The following PEX14 variants were observed in gnomAD, a reference collection of about 807,000 sequenced individuals.
The protein encoded by PEX14 is peroxisomal membrane protein PEX14.
A neutral mutation model predicts 49.5 loss-of-function variants in PEX14; 15 were observed. The ratio of observed to expected loss-of-function variants is 0.30; its 90% CI spans 0.20 to 0.47. The LOEUF (loss-of-function observed/expected upper bound fraction) is 0.47. Ranked by LOEUF, PEX14 falls within the 20% of genes least tolerant of loss-of-function variation. The pLI is 1.00. For synonymous variants in PEX14, 210 were observed against 212.7 expected (o/e 0.99, Z 0.11); for missense variants, 398 against 494.8 (o/e 0.80, Z 1.86).
chr1:10,597,483 CT>C lies in PEX14; in HGVS notation c.170-1754del, dbSNP rs1229209640. Among the ~76,000 whole-genome samples the C allele has an allele frequency of 2.6e-5, 4 of 152,210 alleles. No individual in the cohort carries two copies. The highest frequency in any genetic ancestry group is 9.6e-5 in the African/African-American group (4 of 41,454). On this transcript the variant is annotated intron_variant, in intron 3 of 8. Coordinates refer to ENST00000356607, the MANE Select transcript of PEX14 (RefSeq NM_004565.3). The surrounding 1 kb of genome is among the most constrained non-coding windows in gnomAD (Gnocchi z 5.7). Reference sequence around the variant, plus strand: ...TTGTTGCCTGGCTTGCCTGTTGGTCCTGTCCCTGTTCTTCTTGGAAGGTGAA... The same window carrying C: ...TTGTTGCCTGGCTTGCCTGTTGGTCCGTCCCTGTTCTTCTTGGAAGGTGAA...
Position 10,617,921 on chromosome 1 carries a change from G to A in PEX14, c.299-411G>A, listed in dbSNP as rs538791785. Among the ~76,000 whole-genome samples, 8 of 152,014 alleles carry A rather than the reference G, an allele frequency of 5.3e-5. No homozygotes were observed. The East Asian group carries it at 7.8e-4, about 15-fold the overall frequency. ...GTTCTGCTGTGGCCCCCAGCTTATC[G>A]CCAGCTATAGTAGGGCATATATGGG... is the stretch of plus-strand genomic sequence containing the variant. On this transcript the variant is annotated intron_variant, in intron 4 of 8. Coordinates refer to ENST00000356607, the MANE Select transcript of PEX14 (RefSeq NM_004565.3).
rs750781683 is a variant in PEX14, at chr1:10,500,373, C to CAAAAAAAAAAAA, written c.84+5070_84+5081dup. On this transcript the variant is annotated intron_variant, in intron 2 of 8. Coordinates refer to ENST00000356607, the MANE Select transcript of PEX14 (RefSeq NM_004565.3). ...TGGGCGACAGAGCCAGATTCTGTCT[C>CAAAAAAAAAAAA]AAAAAAAAAAAAAAAAAAAAAAAAA... is the stretch of plus-strand genomic sequence containing the variant. Among the ~76,000 whole-genome samples the CAAAAAAAAAAAA allele has an allele frequency of 1.2e-3, 53 of 43,678 alleles. 1 individual carries two copies. Among genetic ancestry groups the CAAAAAAAAAAAA allele is most frequent in the South Asian group, 3.0e-3 (2 of 676 alleles). The allele number at this position is 43,678 out of a possible 152,430, so 28.7% of individuals were successfully genotyped here.
Position 10,512,420 on chromosome 1 carries a change from C to T in PEX14, c.84+17099C>T, listed in dbSNP as rs1365081872. ...AGGGAAACAGAGACTTCTGTGGATT[C>T]ATCCAAAGGATGGCAGACAGATTGT... is the stretch of plus-strand genomic sequence containing the variant. On this transcript the variant is annotated intron_variant, in intron 2 of 8. Coordinates refer to ENST00000356607, the MANE Select transcript of PEX14 (RefSeq NM_004565.3). This position sits in a 1 kb window ranked among gnomAD's most constrained non-coding sequence, Gnocchi z 4.6. Among the ~76,000 whole-genome samples the T allele has an allele frequency of 6.6e-6, 1 of 152,194 alleles. No homozygotes were observed. Among genetic ancestry groups the T allele is most frequent in the East Asian group, 1.9e-4 (1 of 5,190 alleles).
chr1:10,615,413 C>G (rs764787813), intron 4 of PEX14, among the ~76,000 whole-genome samples: 1 of 152,212 alleles, frequency 6.6e-6, no homozygotes. Flanking sequence ...CATGCTCAAT[C>G]CTCACTCAAA....
intron 4 of PEX14, among the ~76,000 whole-genome samples, chr1:10,611,680 A>ATGTGTATGTAATGGAACC (rs1641282094): frequency 6.6e-6 from 1 of 152,188 alleles, no homozygotes; most frequent in Non-Finnish European, 1.5e-5. Flanking sequence ...AGCCATTCTA[A>ATGTGTATGTAATGGAACC]TGTGTATGTA....
At chr1:10,606,188 C>T (rs961934175) in intron 4 of PEX14, among the ~76,000 whole-genome samples, 6 of 152,190 alleles carry the variant, frequency 3.9e-5, no homozygotes, top group Non-Finnish European at 8.8e-5. Flanking sequence ...TGCCAGGAGG[C>T]TCTGTGGTCT....
intron 2 of PEX14, among the ~76,000 whole-genome samples, chr1:10,500,938 T>G (rs1371584535): frequency 1.3e-5 from 2 of 152,230 alleles, no homozygotes; most frequent in African/African-American, 4.8e-5. Context: ...TGTATGCATG[T>G]GTATGACAAT....
chr1:10,574,668 C>T (rs1030696719), intron 3 of PEX14, among the ~76,000 whole-genome samples: 1 of 151,916 alleles, frequency 6.6e-6, no homozygotes, highest in African/African-American at 2.4e-5. Flanking sequence ...TAGGAAATCC[C>T]CTATTAAAGA....
chr1:10,480,150 G>A lies in PEX14; in HGVS notation c.36+5148G>A, dbSNP rs140439394. Among the ~76,000 whole-genome samples, 504 of 151,998 alleles carry A rather than the reference G, an allele frequency of 3.3e-3. 4 individuals are homozygous for A. Among genetic ancestry groups the A allele is most frequent in the African/African-American group, 0.012 (483 of 41,468 alleles). ...TCTTTACATGTAGTTTTGAGAGTCTGTTGAACTCTTGAATAACAGCAGGTC... is the reference window on the plus strand; with the variant it reads ...TCTTTACATGTAGTTTTGAGAGTCTATTGAACTCTTGAATAACAGCAGGTC... On this transcript the variant is annotated intron_variant, in intron 1 of 8. Coordinates refer to ENST00000356607, the MANE Select transcript of PEX14 (RefSeq NM_004565.3).
chr1:10,529,784 T>C lies in PEX14; in HGVS notation c.85-6429T>C, dbSNP rs57269205. Among the ~76,000 whole-genome samples the C allele has an allele frequency of 9.4e-3, 1,427 of 152,372 alleles. 26 individuals are homozygous for C. The highest frequency in any genetic ancestry group is 0.033 in the African/African-American group (1,364 of 41,582). On this transcript the variant is annotated intron_variant, in intron 2 of 8. Transcript: ENST00000356607. This position sits in a 1 kb window ranked among gnomAD's most constrained non-coding sequence, Gnocchi z 4.2. ...TATCATGTCAACTCCTGTGCACTTCTACCAGCGGAATTTTATTTCTTTAAT... is the reference window on the plus strand; with the variant it reads ...TATCATGTCAACTCCTGTGCACTTCCACCAGCGGAATTTTATTTCTTTAAT...
chr1:10,530,486 G>A (rs1023616497), intron 2 of PEX14, among the ~76,000 whole-genome samples: 2 of 152,208 alleles, frequency 1.3e-5, no homozygotes, highest in African/African-American at 4.8e-5. Context: ...TGCCGCCTGC[G>A]GGCTCGTCCA....
At chr1:10,481,624 G>A (rs1288199990) in intron 1 of PEX14, among the ~76,000 whole-genome samples, 1 of 150,940 alleles carries the variant, frequency 6.6e-6, no homozygotes, top group Non-Finnish European at 1.5e-5. Context: ...TTTTGTAGAG[G>A]TCGGGTCTCG....
intron 3 of PEX14, among the ~76,000 whole-genome samples, chr1:10,565,194 G>A (rs139291395): frequency 7.9e-5 from 12 of 152,142 alleles, no homozygotes; most frequent in Non-Finnish European, 1.6e-4. Context: ...GAGCCACTGC[G>A]CCCAGCCTTT....
intron 3 of PEX14, among the ~76,000 whole-genome samples, chr1:10,541,703 C>T (rs772018875): frequency 6.6e-6 from 1 of 152,226 alleles, no homozygotes; most frequent in Non-Finnish European, 1.5e-5. Context: ...ACTGGTCCCC[C>T]GCATCAATTT....
In PEX14 at chr1:10,537,342, C is replaced by CCA. The variant is rs1553187427; in HGVS notation, c.169+1046_169+1047insAC. 1.1e-3 allele frequency among the ~76,000 whole-genome samples: 20 copies of CCA among 18,148 alleles called. 1 individual carries two copies. The East Asian group carries it at 0.016, about 14-fold the overall frequency. The allele number at this position is 18,148 out of a possible 152,430, so 11.9% of individuals were successfully genotyped here. On this transcript the variant is annotated intron_variant, in intron 3 of 8. Transcript: ENST00000356607. ...GCTCACTGGCTGCATTGTGCCAGCA[C>CCA]CCCCCCCCCCCGCCATCATTAGGAG...
At position 10,563,946 on chromosome 1, in the gene PEX14, T is replaced by C. The variant is rs559624382; in HGVS notation, c.169+27649T>C. Among the ~76,000 whole-genome samples, 130 of 152,230 alleles carry C rather than the reference T, an allele frequency of 8.5e-4. 1 individual carries two copies. Among genetic ancestry groups the C allele is most frequent in the African/African-American group, 3.0e-3 (124 of 41,564 alleles). On this transcript the variant is annotated intron_variant, in intron 3 of 8. Coordinates refer to ENST00000356607, the MANE Select transcript of PEX14 (RefSeq NM_004565.3). ...AAAAAAAAGTTATTTCATTATTTTC[T>C]GGCTTCTATTGTCATCTTTCAGTCT...
At chr1:10,478,749 A>ATT (rs773890718) in intron 1 of PEX14, among the ~76,000 whole-genome samples, 2 of 141,378 alleles carry the variant, frequency 1.4e-5, no homozygotes, top group South Asian at 2.2e-4. Flanking sequence ...TGGCTAATGT[A>ATT]TTTTTTTTTT....
chr1:10,495,382 GA>G lies in PEX14; in HGVS notation c.84+64del. ...AATTAAAATGCCACGCGAGTGAAAA[GA>G]AACCTTCTGTTCCTATGGTTCTGCG... On this transcript the variant is annotated intron_variant, in intron 2 of 8. Coordinates refer to ENST00000356607, the MANE Select transcript of PEX14 (RefSeq NM_004565.3). The surrounding 1 kb of genome is among the most constrained non-coding windows in gnomAD (Gnocchi z 4.2). 7.5e-7 allele frequency: 1 copy of G among 1,329,874 alleles called. No homozygotes were observed. Among genetic ancestry groups the G allele is most frequent in the Non-Finnish European group, 1.1e-6 (1 of 929,932 alleles). 82.4% of individuals were successfully genotyped at this position (1,329,874 alleles called of 1,614,324 possible). A position where few individuals can be genotyped will look rare whatever the true frequency, so the allele number is the denominator to read the frequency against.
chr1:10,478,012 C>T (rs1223122988), intron 1 of PEX14, among the ~76,000 whole-genome samples: 1 of 152,102 alleles, frequency 6.6e-6, no homozygotes, highest in South Asian at 2.1e-4. Flanking sequence ...CCTCAGCCTC[C>T]CAAGTAGCTG....
Sources: allele counts gnomAD v4.1 joint callset (sites outside exome capture counted in the v4.1 genomes callset), GRCh38; gene constraint gnomAD v4.1.1; non-coding constraint Gnocchi (gnomAD v3.1); transcripts MANE v1.5; gene names NCBI Gene and HGNC (gene_info 2026-07-23, HGNC 2026-07-21).